PKIB: variants seen among roughly 807,000 people sequenced by gnomAD.
The protein encoded by PKIB is cAMP-dependent protein kinase inhibitor beta.
A neutral mutation model predicts 4.5 loss-of-function variants in PKIB; 2 were observed. The observed-to-expected ratio is 0.44, with a 90% CI of 0.18 to 1.39. The LOEUF (loss-of-function observed/expected upper bound fraction) is 1.39, where lower values mean the gene tolerates loss of function less well. Among genes scored for constraint, PKIB ranks in the 40% most tolerant of loss-of-function variants. The pLI is 0.27. For synonymous variants in PKIB, 38 were observed against 36.0 expected (o/e 1.06, Z -0.20); for missense variants, 94 against 92.6 (o/e 1.02, Z -0.06).
intron 2 of PKIB, among the ~76,000 whole-genome samples, chr6:122,550,255 AT>A (rs1290000896): frequency 6.6e-6 from 1 of 152,098 alleles, no homozygotes; most frequent in Non-Finnish European, 1.5e-5. Context: ...AATATGAAAT[AT>A]GTCTAATATG....
chr6:122,542,442 G>A (rs1480494837), intron 2 of PKIB, among the ~76,000 whole-genome samples: 3 of 152,080 alleles, frequency 2.0e-5, no homozygotes, highest in African/African-American at 7.3e-5. Context: ...GTTTGCTAGA[G>A]GTCCACTCCA....
chr6:122,683,368 G>A (rs938868240), intron 3 of PKIB, among the ~76,000 whole-genome samples: 2 of 152,044 alleles, frequency 1.3e-5, no homozygotes, highest in African/African-American at 4.8e-5. Context: ...AAGTGAGAGA[G>A]TTGGAGGGGT....
intron 3 of PKIB, among the ~76,000 whole-genome samples, chr6:122,716,038 A>T (rs1779478759): frequency 6.6e-6 from 1 of 152,184 alleles, no homozygotes; most frequent in Non-Finnish European, 1.5e-5. Flanking sequence ...GTAGTATTGA[A>T]TAAAAATGCT....
rs183080255 is a variant in PKIB, at chr6:122,544,826, G to A, written c.-247-41095G>A. On this transcript the variant is annotated intron_variant, in intron 2 of 6. Coordinates refer to the PKIB transcript ENST00000392491. The stretch of plus-strand genomic sequence containing the variant: ...AAAACAACCCCATCAAAAAATAGGC[G>A]AGGGACATGAACAGACACTTCTTAA... Among the ~76,000 whole-genome samples the A allele has an allele frequency of 3.7e-3, 559 of 151,878 alleles. 13 individuals are homozygous for A. Among genetic ancestry groups the A allele is most frequent in the African/African-American group, 0.012 (515 of 41,356 alleles).
At chr6:122,638,092 A>C (rs1226855638) in intron 2 of PKIB, among the ~76,000 whole-genome samples, 1 of 152,230 alleles carries the variant, frequency 6.6e-6, no homozygotes, top group Non-Finnish European at 1.5e-5. Flanking sequence ...ACACAATGAT[A>C]AAATTTGGAG....
Position 122,675,145 on chromosome 6 carries a change from G to A in PKIB, c.-9+1G>A, listed in dbSNP as rs1271997617. On this transcript the variant is annotated splice_donor_variant, in intron 3 of 4. Coordinates refer to ENST00000368452, the MANE Select transcript of PKIB (RefSeq NM_181795.3). LOFTEE classifies it low-confidence loss of function (5UTR_SPLICE). ...AACAACATATTTTAATCAGAGATTT[G>A]TAAGTATCCTTTTCTTCTTTATTTA... The A allele has an allele frequency of 6.6e-6, 1 of 152,176 alleles. No individual in the cohort carries two copies. The highest frequency in any genetic ancestry group is 6.6e-5 in the Admixed American group (1 of 15,234). 9.4% of individuals were successfully genotyped at this position (152,176 alleles called of 1,614,324 possible).
chr6:122,601,822 G>A (rs1774377683), intron 3 of PKIB, among the ~76,000 whole-genome samples: 1 of 152,076 alleles, frequency 6.6e-6, no homozygotes, highest in African/African-American at 2.4e-5. Flanking sequence ...AAGGCTTCTG[G>A]ACAACAGTAG....
intron 1 of PKIB, among the ~76,000 whole-genome samples, chr6:122,629,586 A>G (rs529996484): frequency 2.3e-4 from 35 of 152,302 alleles, no homozygotes; most frequent in African/African-American, 7.5e-4. Context: ...AGAGGAAAGC[A>G]GCAGGAGACA....
rs376392806 is a variant in PKIB at position 122,584,058 on chromosome 6, C to T, written c.-247-1863C>T. 1.3e-4 allele frequency among the ~76,000 whole-genome samples: 20 copies of T among 152,014 alleles called. 1 individual carries two copies. The highest frequency in any genetic ancestry group is 3.6e-4 in the African/African-American group (15 of 41,448). On this transcript the variant is annotated intron_variant, in intron 2 of 6. Transcript: ENST00000392491. ...GTAGCTGAATTGATTTAATTTTACCCGTGAGAGATTACACATCATTAAGGA... is the reference window on the plus strand; with the variant it reads ...GTAGCTGAATTGATTTAATTTTACCTGTGAGAGATTACACATCATTAAGGA...
intron 1 of PKIB, among the ~76,000 whole-genome samples, chr6:122,631,645 T>G (rs1481847053): frequency 2.0e-5 from 3 of 152,162 alleles, no homozygotes; most frequent in Non-Finnish European, 4.4e-5. Flanking sequence ...ATTAATATTA[T>G]TATGCCATTT....
At chr6:122,619,654 C>T (rs1330734473) in intron 1 of PKIB, among the ~76,000 whole-genome samples, 1 of 152,128 alleles carries the variant, frequency 6.6e-6, no homozygotes, top group Non-Finnish European at 1.5e-5. Context: ...TTTCTATAAC[C>T]CTTGTCATAG....
intron 3 of PKIB, chr6:122,586,257 C>T (rs1425832862): frequency 6.6e-6 from 1 of 152,078 alleles, no homozygotes; most frequent in Non-Finnish European, 1.5e-5. Context: ...CATTATCAAA[C>T]TTATTTATGG....
intron 2 of PKIB, among the ~76,000 whole-genome samples, chr6:122,662,813 T>C (rs1777062865): frequency 6.6e-6 from 1 of 152,302 alleles, no homozygotes; most frequent in Admixed American, 6.5e-5. Context: ...GGTATATAAC[T>C]TGTCCAAAGA....
chr6:122,495,989 A>AT (rs1042873089), intron 2 of PKIB, among the ~76,000 whole-genome samples: 3 of 152,108 alleles, frequency 2.0e-5, no homozygotes, highest in African/African-American at 7.2e-5. Context: ...CCATCTCTGT[A>AT]TTCATAGGCA....
chr6:122,602,662 C>G (rs1418708394), intron 3 of PKIB, among the ~76,000 whole-genome samples: 1 of 152,142 alleles, frequency 6.6e-6, no homozygotes, highest in Non-Finnish European at 1.5e-5. Context: ...CGCTTGTAAT[C>G]TCAGCACTTT....
intron 4 of PKIB, among the ~76,000 whole-genome samples, chr6:122,722,618 A>G (rs554197405): frequency 6.6e-6 from 1 of 152,284 alleles, no homozygotes; most frequent in South Asian, 2.1e-4. Flanking sequence ...TGTATTTCAT[A>G]TGGTTATAGA....
intron 2 of PKIB, among the ~76,000 whole-genome samples, chr6:122,507,833 C>T: frequency 6.6e-6 from 1 of 151,738 alleles, no homozygotes; most frequent in East Asian, 1.9e-4. Context: ...TTTTTTACCA[C>T]ACAGGTTTTT....
At chr6:122,704,133 A>T (rs1298803536) in intron 3 of PKIB, among the ~76,000 whole-genome samples, 1 of 152,070 alleles carries the variant, frequency 6.6e-6, no homozygotes, top group South Asian at 2.1e-4. Context: ...AAGGCAAAAG[A>T]TTGAAGACTG....
At chr6:122,670,336 G>A (rs1048423693) in intron 2 of PKIB, among the ~76,000 whole-genome samples, 1 of 152,010 alleles carries the variant, frequency 6.6e-6, no homozygotes, top group South Asian at 2.1e-4. Context: ...CCAGCCAGCA[G>A]TATTCCCTAC....
Sources: allele counts gnomAD v4.1 joint callset (sites outside exome capture counted in the v4.1 genomes callset), GRCh38; gene constraint gnomAD v4.1.1; transcripts MANE v1.5; gene names NCBI Gene and HGNC (gene_info 2026-07-23, HGNC 2026-07-21).